The following DDIAS variants were observed in gnomAD, a reference collection of about 807,000 sequenced individuals.
DDIAS encodes the protein DNA damage induced apoptosis suppressor, also known as DNA damage-induced apoptosis suppressor protein.
Under a neutral mutation model 15.7 loss-of-function variants are expected in DDIAS, and 14 were observed. The ratio of observed to expected loss-of-function variants is 0.89; its 90% CI spans 0.59 to 1.39. The LOEUF (loss-of-function observed/expected upper bound fraction) is 1.39. Among genes scored for constraint, DDIAS ranks in the 40% most tolerant of loss-of-function variants. The pLI, the probability that DDIAS is intolerant of heterozygous loss-of-function variation, is 0.00. For synonymous variants in DDIAS, 355 were observed against 395.9 expected, an observed-to-expected ratio of 0.90 and a Z score of 1.23; for missense variants, 1,035 against 1,130.9, an observed-to-expected ratio of 0.92 and a Z score of 1.22.
chr11:82,934,528 G>A lies in DDIAS; in HGVS notation c.*193G>A, dbSNP rs1861079769. On this transcript the variant is annotated 3_prime_UTR_variant, in exon 6 of 6. Transcript: ENST00000533655. ...CCCAGGGTTTTATCTAGAATACTAT[G>A]ATTAGGTAGTTGAGCACTTTATCTT... The A allele has an allele frequency of 7.9e-6, 4 of 507,036 alleles. No individual in the cohort carries two copies. The South Asian group carries it at 1.8e-4, about 23-fold the overall frequency. The allele number at this position is 507,036 out of a possible 1,614,324, so 31.4% of individuals were successfully genotyped here. A position where few individuals can be genotyped will look rare whatever the true frequency, so the allele number is the denominator to read the frequency against.
intron 3 of DDIAS, among the ~76,000 whole-genome samples, chr11:82,918,926 G>T (rs1860687093): frequency 6.6e-6 from 1 of 152,096 alleles, no homozygotes; most frequent in African/African-American, 2.4e-5. Flanking sequence ...AAGAGCTACT[G>T]ATTTGTGTAC....
chr11:82,905,538 C>T (rs964821813), intron 1 of DDIAS, among the ~76,000 whole-genome samples: 7 of 152,112 alleles, frequency 4.6e-5, no homozygotes, highest in African/African-American at 1.7e-4. Context: ...AGATTATATA[C>T]TTTCCTAACT....
At chr11:82,906,738 G>T (rs1228962845) in intron 1 of DDIAS, among the ~76,000 whole-genome samples, 1 of 152,080 alleles carries the variant, frequency 6.6e-6, no homozygotes, top group African/African-American at 2.4e-5. Flanking sequence ...TAGAAGTGAG[G>T]ATAAGATGTA....
chr11:82,920,736 G>C (rs1281668617), intron 3 of DDIAS, among the ~76,000 whole-genome samples: 2 of 152,180 alleles, frequency 1.3e-5, no homozygotes, highest in African/African-American at 4.8e-5. Flanking sequence ...TGGCCTGAGA[G>C]AGTGCTTGAT....
intron 1 of DDIAS, among the ~76,000 whole-genome samples, chr11:82,908,496 G>A (rs1346621763): frequency 6.6e-6 from 1 of 152,204 alleles, no homozygotes; most frequent in East Asian, 1.9e-4. Flanking sequence ...TTGGATTTTA[G>A]AATGTGGAGG....
chr11:82,931,706 C>T, intron 5 of DDIAS, 26 bp from the exon 6 acceptor site: 1 of 1,545,078 alleles, frequency 6.5e-7, no homozygotes, highest in African/African-American at 1.4e-5. Context: ...TTTATTCTTA[C>T]TTAAATTTCT....
intron 5 of DDIAS, 38 bp from the exon 6 acceptor site, chr11:82,931,694 A>G (rs763663087): frequency 2.0e-6 from 3 of 1,523,730 alleles, no homozygotes; most frequent in Non-Finnish European, 2.7e-6. Flanking sequence ...ATGGAAGACA[A>G]TTTTATTCTT....
At chr11:82,926,468 G>A (rs564161235) in intron 3 of DDIAS, among the ~76,000 whole-genome samples, 2 of 152,298 alleles carry the variant, frequency 1.3e-5, no homozygotes, top group African/African-American at 4.8e-5. Context: ...AATTTTTTAA[G>A]AGTATTAAAG....
chr11:82,919,987 C>T (rs983211483), intron 3 of DDIAS, among the ~76,000 whole-genome samples: 3 of 152,132 alleles, frequency 2.0e-5, no homozygotes, highest in South Asian at 2.1e-4. Flanking sequence ...CCTCCCAAAG[C>T]GCTGGGATTA....
Position 82,928,786 on chromosome 11 carries a change from T to C in DDIAS, c.123T>C (p.Cys41=), listed in dbSNP as rs1565249859. 1 of 1,613,374 alleles carries C rather than the reference T, an allele frequency of 6.2e-7. No individual in the cohort carries two copies. The highest frequency in any genetic ancestry group is 8.5e-7 in the Non-Finnish European group (1 of 1,179,780). ...RIILVSKRSN[C]PKCGSTGESG... Reference sequence around the variant, plus strand: ...TCCACCACTTTTCTAGGTCTAATTGTCCAAAATGTGGCTCTACTGGTGAAT... The same window carrying C: ...TCCACCACTTTTCTAGGTCTAATTGCCCAAAATGTGGCTCTACTGGTGAAT... Residue 41 remains cysteine (C), a synonymous_variant, in exon 4 of 6, where the codon TGT becomes TGC. Coordinates refer to ENST00000533655, the MANE Select transcript of DDIAS (RefSeq NM_145018.4).
Position 82,932,679 on chromosome 11 carries a change from A to G in DDIAS, c.1341A>G (p.Val447=). Residue 447 remains valine, a synonymous_variant, in exon 6 of 6, where the codon GTA becomes GTG. Coordinates refer to ENST00000533655, the MANE Select transcript of DDIAS (RefSeq NM_145018.4). ...ATGTCAGTAGTAGGAAACATCATGT[A>G]GATAATGACATTGATAAATTTCATG... The part of the protein sequence containing the change: ...QADVSSRKHH[V]DNDIDKFHAD... 6.2e-7 allele frequency: 1 copy of G among 1,614,090 alleles called. No homozygotes were observed.
rs1861029043 is a variant in DDIAS, at chr11:82,932,874, A to G, written c.1536A>G (p.Gln512=). Residue 512 remains glutamine (Q), a synonymous_variant, in exon 6 of 6, where the codon CAA becomes CAG. Coordinates refer to ENST00000533655, the MANE Select transcript of DDIAS (RefSeq NM_145018.4). The part of the protein sequence containing the change: ...NLSPSVEKES[Q]PDNKVEAVSV... ...GTCCTAGTGTTGAAAAGGAGTCACA[A>G]CCAGATAACAAAGTAGAGGCTGTCT... 2.5e-6 allele frequency: 4 copies of G among 1,613,238 alleles called. No homozygotes were observed. Among genetic ancestry groups the G allele is most frequent in the African/African-American group, 2.7e-5 (2 of 74,924 alleles).
chr11:82,914,088 C>A (rs573481021), intron 2 of DDIAS: 26 of 326,454 alleles, frequency 8.0e-5, no homozygotes, highest in Non-Finnish European at 1.3e-4. Context: ...AGGCACCCCC[C>A]ACCATGCTCA....
intron 3 of DDIAS, among the ~76,000 whole-genome samples, chr11:82,920,507 A>G (rs1303638398): frequency 6.6e-6 from 1 of 152,146 alleles, no homozygotes; most frequent in African/African-American, 2.4e-5. Context: ...TGATGTAGGC[A>G]TTTAGGACTA....
intron 1 of DDIAS, among the ~76,000 whole-genome samples, chr11:82,908,868 A>G (rs746403156): frequency 2.6e-5 from 4 of 152,212 alleles, no homozygotes; most frequent in Admixed American, 6.5e-5. Flanking sequence ...GAAATGACCA[A>G]GCTGCTTTTT....
Position 82,933,592 on chromosome 11 carries a change from C to T in DDIAS, c.2254C>T (p.Pro752Ser), listed in dbSNP as rs1303178292. The T allele has an allele frequency of 1.2e-6, 2 of 1,613,872 alleles. No homozygotes were observed. The highest frequency in any genetic ancestry group is 1.7e-6 in the Non-Finnish European group (2 of 1,179,910). The change falls in exon 6 of 6, where the codon CCT (proline) becomes TCT (serine). Residue 752 changes from proline to serine, a missense_variant. By Grantham distance (74) the Pro-to-Ser change is moderately conservative. Coordinates refer to ENST00000533655, the MANE Select transcript of DDIAS (RefSeq NM_145018.4). ...SRHSRTCSPTPHFQSDSEYNF... is the reference protein window; with the variant it reads ...SRHSRTCSPTSHFQSDSEYNF... ...GCATTCAAGAACATGCTCTCCAACA[C>T]CTCATTTTCAATCAGATTCAGAATA... is the stretch of plus-strand genomic sequence containing the variant.
chr11:82,924,847 C>A (rs1045254993), intron 3 of DDIAS, among the ~76,000 whole-genome samples: 1 of 149,958 alleles, frequency 6.7e-6, no homozygotes, highest in South Asian at 2.1e-4. Context: ...AAAAAAAAAA[C>A]AAATGAAACT....
chr11:82,904,724 T>C (rs924787246), intron 1 of DDIAS, among the ~76,000 whole-genome samples: 1 of 152,200 alleles, frequency 6.6e-6, no homozygotes, highest in African/African-American at 2.4e-5. Flanking sequence ...TTTTGATATA[T>C]GATAAAGTTT....
rs1860311513 is a variant in DDIAS at position 82,901,816 on chromosome 11, C to A, written c.-123C>A. The A allele has an allele frequency of 6.6e-6, 1 of 152,146 alleles. No homozygotes were observed. The highest frequency in any genetic ancestry group is 6.5e-5 in the Admixed American group (1 of 15,280). The allele number at this position is 152,146 out of a possible 1,614,324, so 9.4% of individuals were successfully genotyped here. A position where few individuals can be genotyped will look rare whatever the true frequency, so the allele number is the denominator to read the frequency against. On this transcript the variant is annotated 5_prime_UTR_variant, in exon 1 of 6. Transcript: ENST00000533655. ...CGCCTGGGCCCGTTCCTGGTCTTCTCCCCCAGGTGAGCTGGGTAAAGGGGT... is the reference window on the plus strand; with the variant it reads ...CGCCTGGGCCCGTTCCTGGTCTTCTACCCCAGGTGAGCTGGGTAAAGGGGT...
Sources: allele counts gnomAD v4.1 joint callset (sites outside exome capture counted in the v4.1 genomes callset), GRCh38; gene constraint gnomAD v4.1.1; transcripts MANE v1.5; gene names NCBI Gene and HGNC (gene_info 2026-07-23, HGNC 2026-07-21).